NDUFS4: variants seen among roughly 807,000 people sequenced by gnomAD.
The protein encoded by NDUFS4 is NADH dehydrogenase [ubiquinone] iron-sulfur protein 4, mitochondrial.
NDUFS4 carries 28 observed loss-of-function variants against 24.3 expected under a neutral mutation model. That is an observed-to-expected ratio of 1.15 (90% CI 0.85 to 1.58). The LOEUF (loss-of-function observed/expected upper bound fraction) is 1.58. NDUFS4 is among the 40% of genes most tolerant of loss of function. The probability of loss-of-function intolerance (pLI) is 0.00; values close to 1 mark genes in which losing one functional copy is unlikely to be tolerated. For missense variants in NDUFS4, 223 were observed against 207.9 expected, an observed-to-expected ratio of 1.07 and a Z score of -0.45; for synonymous variants, 93 against 69.7, an observed-to-expected ratio of 1.34 and a Z score of -1.67.
At chr5:53,647,908 T>C (rs1009749794) in intron 3 of NDUFS4, among the ~76,000 whole-genome samples, 5 of 152,198 alleles carry the variant, frequency 3.3e-5, no homozygotes, top group Admixed American at 1.3e-4. Flanking sequence ...AGGCACAATT[T>C]CTTAGTTTTT....
At chr5:53,656,087 T>G (rs984032508) in intron 3 of NDUFS4, among the ~76,000 whole-genome samples, 1 of 152,066 alleles carries the variant, frequency 6.6e-6, no homozygotes, top group Admixed American at 6.6e-5. Flanking sequence ...GGCTTTCTGC[T>G]TGAGTTCTCG....
At chr5:53,571,215 C>T (rs901747788) in intron 1 of NDUFS4, among the ~76,000 whole-genome samples, 4 of 152,196 alleles carry the variant, frequency 2.6e-5, no homozygotes, top group Non-Finnish European at 5.9e-5. Context: ...CTCCCCCAGT[C>T]CTAGATAACG....
At chr5:53,636,365 T>C (rs1252504380) in intron 2 of NDUFS4, among the ~76,000 whole-genome samples, 2 of 152,174 alleles carry the variant, frequency 1.3e-5, no homozygotes, top group African/African-American at 4.8e-5. Context: ...TTTTAGTAAT[T>C]CCAAGTCAAA....
chr5:53,569,947 GA>G (rs1003758878), intron 1 of NDUFS4, among the ~76,000 whole-genome samples: 1 of 151,968 alleles, frequency 6.6e-6, no homozygotes, highest in African/African-American at 2.4e-5. Flanking sequence ...TTGAATTAAG[GA>G]AAAAAGTTGA....
chr5:53,626,347 G>C (rs1751225494), intron 2 of NDUFS4, among the ~76,000 whole-genome samples: 1 of 152,090 alleles, frequency 6.6e-6, no homozygotes, highest in African/African-American at 2.4e-5. Context: ...CAATAAACAT[G>C]TGTGCCTGTG....
chr5:53,660,776 C>T (rs2112524923), intron 4 of NDUFS4, among the ~76,000 whole-genome samples: 1 of 152,196 alleles, frequency 6.6e-6, no homozygotes, highest in South Asian at 2.1e-4. Flanking sequence ...TTTCATGTGT[C>T]TTTTGGCTGC....
chr5:53,679,637 A>G (rs763712852), intron 4 of NDUFS4, among the ~76,000 whole-genome samples: 10 of 152,194 alleles, frequency 6.6e-5, no homozygotes, highest in East Asian at 1.9e-4. Context: ...AGAGAATTCT[A>G]CCTGGCGGCT....
Position 53,596,147 on chromosome 5 carries a change from T to C in NDUFS4, c.99-7305T>C, listed in dbSNP as rs191002502. 3.6e-3 allele frequency among the ~76,000 whole-genome samples: 551 copies of C among 152,274 alleles called. 4 individuals carry two copies. Among genetic ancestry groups the C allele is most frequent in the African/African-American group, 0.012 (501 of 41,550 alleles). On this transcript the variant is annotated intron_variant, in intron 1 of 4. Coordinates refer to ENST00000296684, the MANE Select transcript of NDUFS4 (RefSeq NM_002495.4). ...TTTCCAGAATGTTAAAATGGTCCCT[T>C]AGGCTGGGCTCGGTGTCTCACATCT...
chr5:53,616,754 G>C (rs985990912), intron 2 of NDUFS4, among the ~76,000 whole-genome samples: 2 of 152,086 alleles, frequency 1.3e-5, no homozygotes, highest in Non-Finnish European at 2.9e-5. Context: ...ATAATTCTAA[G>C]TAGAAAAGTG....
chr5:53,654,292 T>C (rs1752101269), intron 3 of NDUFS4, among the ~76,000 whole-genome samples: 1 of 152,120 alleles, frequency 6.6e-6, no homozygotes, highest in African/African-American at 2.4e-5. Flanking sequence ...ATTATATGTT[T>C]TATAATTGGA....
intron 2 of NDUFS4, among the ~76,000 whole-genome samples, chr5:53,638,822 TTAACA>T (rs1328252951): frequency 6.6e-6 from 1 of 152,132 alleles, no homozygotes; most frequent in East Asian, 1.9e-4. Context: ...CTTTGTCATT[TTAACA>T]GAGAAGACCA....
At chr5:53,680,823 T>TA (rs1041784230) in intron 4 of NDUFS4, among the ~76,000 whole-genome samples, 3 of 152,068 alleles carry the variant, frequency 2.0e-5, no homozygotes, top group African/African-American at 7.2e-5. Context: ...TGTGCACATG[T>TA]ACCCTAAAAC....
intron 4 of NDUFS4, among the ~76,000 whole-genome samples, chr5:53,678,901 C>T (rs1740564670): frequency 6.6e-6 from 1 of 152,068 alleles, no homozygotes; most frequent in Admixed American, 6.6e-5. Flanking sequence ...CCTGTTTGCT[C>T]AAGTAACCTT....
intron 2 of NDUFS4, among the ~76,000 whole-genome samples, chr5:53,618,672 G>T (rs953233764): frequency 4.6e-5 from 7 of 152,138 alleles, no homozygotes; most frequent in Non-Finnish European, 1.0e-4. Flanking sequence ...TGGTAGATAG[G>T]TGTATTGCTA....
At chr5:53,573,689 A>T in intron 1 of NDUFS4, 1 of 385,442 alleles carries the variant, frequency 2.6e-6, no homozygotes, top group Non-Finnish European at 5.1e-6. Context: ...CCTGGGCTTA[A>T]GCAGTCCTCC....
chr5:53,664,470 A>G (rs1255100750), intron 4 of NDUFS4, among the ~76,000 whole-genome samples: 2 of 152,220 alleles, frequency 1.3e-5, no homozygotes, highest in Non-Finnish European at 2.9e-5. Context: ...AGGTACACCA[A>G]TCAGACGTAG....
Position 53,608,267 on chromosome 5 carries a change from T to G in NDUFS4, c.177+4737T>G, listed in dbSNP as rs1195924579. ...AAAAATGCTAACGATCAGCTGAGCC[T>G]TTAGGGAATCGTAATCATTTGACTG... is the stretch of plus-strand genomic sequence containing the variant. On this transcript the variant is annotated intron_variant, in intron 2 of 4. Coordinates refer to ENST00000296684, the MANE Select transcript of NDUFS4 (RefSeq NM_002495.4). Among the ~76,000 whole-genome samples, 3 of 152,212 alleles carry G rather than the reference T, an allele frequency of 2.0e-5. No homozygotes were observed. In the East Asian group the frequency reaches 5.8e-4, roughly 29 times the overall value.
intron 4 of NDUFS4, among the ~76,000 whole-genome samples, chr5:53,663,243 A>G (rs376489625): frequency 6.6e-6 from 1 of 152,294 alleles, no homozygotes; most frequent in East Asian, 1.9e-4. Flanking sequence ...GGTGTGCTTT[A>G]CTTCCAACTG....
chr5:53,566,525 G>A (rs978278114), intron 1 of NDUFS4, among the ~76,000 whole-genome samples: 11 of 152,112 alleles, frequency 7.2e-5, no homozygotes, highest in African/African-American at 2.4e-4. Flanking sequence ...GAGGAAACAG[G>A]TACAGAAGTG....
Sources: gnomAD v4.1 joint callset for allele counts (sites outside exome capture counted in the v4.1 genomes callset) on GRCh38, gnomAD v4.1.1 for gene constraint, MANE v1.5 for transcripts, NCBI Gene and HGNC (gene_info 2026-07-23, HGNC 2026-07-21) for gene names.